RAD52: variants seen among roughly 807,000 people sequenced by gnomAD.
RAD52 encodes the protein DNA repair protein RAD52 homolog.
In RAD52, 47 loss-of-function variants were observed where a neutral mutation model predicts 55.5. That is an observed-to-expected ratio of 0.85 (90% confidence interval 0.67 to 1.08). The LOEUF is 1.08. Among genes scored for constraint, RAD52 ranks in the 50% least tolerant of loss-of-function variants. The probability of loss-of-function intolerance (pLI) is 0.00; values close to 1 mark genes in which losing one functional copy is unlikely to be tolerated. For missense variants in RAD52, 468 were observed against 522.8 expected, an observed-to-expected ratio of 0.90 and a Z score of 1.02; for synonymous variants, 184 against 198.9, an observed-to-expected ratio of 0.92 and a Z score of 0.63.
chr12:969,339 G>A (rs1592483627), intron 1 of RAD52, among the ~76,000 whole-genome samples: 1 of 151,968 alleles, frequency 6.6e-6, no homozygotes, highest in South Asian at 2.1e-4. Context: ...CATACCAAAA[G>A]TATAATAGTC....
intron 1 of RAD52, among the ~76,000 whole-genome samples, chr12:982,679 C>CG (rs1398356575): frequency 8.8e-5 from 2 of 22,620 alleles, no homozygotes; most frequent in African/African-American, 2.5e-4. Context: ...TTTTTTTTGG[C>CG]GGGGGGGACA....
rs867419325 is a variant in RAD52 at position 917,775 on chromosome 12, A to C, written c.544-955T>G. 1.9e-3 allele frequency among the ~76,000 whole-genome samples: 280 copies of C among 150,680 alleles called. 1 individual carries two copies. The highest frequency in any genetic ancestry group is 6.8e-3 in the South Asian group (32 of 4,736). On this transcript the variant is annotated intron_variant, in intron 7 of 11. Coordinates refer to ENST00000358495, the MANE Select transcript of RAD52 (RefSeq NM_134424.4). Reference sequence around the variant, plus strand: ...GCCTGTCTCTACTAAAAATACAAAAAAAAAAAAAAAAAAATTAGCTGGGCA... The same window carrying C: ...GCCTGTCTCTACTAAAAATACAAAACAAAAAAAAAAAAAATTAGCTGGGCA...
chr12:913,516 A>G (rs1956203934), intron 11 of RAD52, 64 bp from the exon 12 acceptor site: 4 of 1,159,814 alleles, frequency 3.4e-6, no homozygotes, highest in Non-Finnish European at 5.1e-6. Flanking sequence ...ACAGCTAATG[A>G]TTTCTGGATT....
chr12:979,863 C>A (rs572073752), intron 1 of RAD52, among the ~76,000 whole-genome samples: 1 of 151,994 alleles, frequency 6.6e-6, no homozygotes, highest in Admixed American at 6.6e-5. Flanking sequence ...CTGGCTAACA[C>A]GGTGAAACCC....
At chr12:970,520 A>G (rs1181131010) in intron 1 of RAD52, among the ~76,000 whole-genome samples, 2 of 152,194 alleles carry the variant, frequency 1.3e-5, no homozygotes, top group Non-Finnish European at 2.9e-5. Context: ...TATTTTTACC[A>G]AAAGACTTCC....
chr12:939,169 A>AT (rs942133213), intron 1 of RAD52, among the ~76,000 whole-genome samples: 2 of 149,286 alleles, frequency 1.3e-5, no homozygotes, highest in African/African-American at 2.5e-5. Context: ...TTAATTGTAA[A>AT]TTTTTTTTTT....
rs1000918529 is a variant in RAD52 at position 972,622 on chromosome 12, C to A, written c.-19+17187G>T. 3.3e-5 allele frequency among the ~76,000 whole-genome samples: 5 copies of A among 152,066 alleles called. No homozygotes were observed. The South Asian group carries it at 6.2e-4, about 19-fold the overall frequency. On this transcript the variant is annotated intron_variant, in intron 1 of 11. Transcript: ENST00000430095. The stretch of plus-strand genomic sequence containing the variant: ...TCTACTAAATATACAAAAAATTAGC[C>A]GGGCGTGGTGGCGGACGCCTGTAGT...
At chr12:948,706 CT>C (rs1338537198) in intron 1 of RAD52, among the ~76,000 whole-genome samples, 279 of 145,442 alleles carry the variant, frequency 1.9e-3, no homozygotes, top group East Asian at 0.016. Context: ...TGAATTATAA[CT>C]TTTTTTTTTT....
intron 1 of RAD52, chr12:975,595 T>G (rs557830098): frequency 6.6e-6 from 1 of 152,194 alleles, no homozygotes; most frequent in Admixed American, 6.5e-5. Context: ...CCAGTGGAAT[T>G]TGGGCATAAG....
intron 1 of RAD52, among the ~76,000 whole-genome samples, chr12:954,909 G>C (rs1274545945): frequency 6.6e-6 from 1 of 152,136 alleles, no homozygotes; most frequent in Non-Finnish European, 1.5e-5. Context: ...GACCAGTGAG[G>C]AAAGGGGATT....
intron 3 of RAD52, 123 bp from the exon 4 acceptor site, chr12:930,267 T>C (rs996097129): frequency 2.5e-6 from 2 of 807,870 alleles, no homozygotes; most frequent in African/African-American, 3.5e-5. Context: ...TTAAACATTC[T>C]TCTCGGGAGG....
intron 9 of RAD52, 52 bp downstream of exon 9, chr12:916,292 A>G (rs2154108469): frequency 6.3e-7 from 1 of 1,589,892 alleles, no homozygotes; most frequent in African/African-American, 1.3e-5. Context: ...CCCTGCGGCT[A>G]CACTTCCTCC....
At chr12:930,007 A>T (rs747244375) in intron 4 of RAD52, 44 bp downstream of exon 4, 1 of 1,590,416 alleles carries the variant, frequency 6.3e-7, no homozygotes, top group Non-Finnish European at 8.6e-7. Context: ...TTTCAGCAGG[A>T]GCTGGACAGT....
At chr12:968,673 T>TA in intron 1 of RAD52, among the ~76,000 whole-genome samples, 1 of 152,206 alleles carries the variant, frequency 6.6e-6, no homozygotes. Flanking sequence ...GGTACGTCCC[T>TA]AGGAGCTTTG....
intron 1 of RAD52, among the ~76,000 whole-genome samples, chr12:966,117 C>T (rs1352132118): frequency 1.3e-5 from 2 of 152,018 alleles, no homozygotes; most frequent in African/African-American, 4.8e-5. Context: ...GCATGTGCCA[C>T]CACAACTGGT....
chr12:944,620 A>AAC (rs10651999), intron 1 of RAD52, among the ~76,000 whole-genome samples: 18,449 of 150,640 alleles, frequency 0.12, 1,481 homozygotes, highest in East Asian at 0.36. Flanking sequence ...AAAAAAAAAA[A>AAC]AAAAAAAACT....
chr12:913,069 A>ATTATATT lies in RAD52; in HGVS notation c.*321_*322insAATATAA. 1 of 92,556 alleles carries ATTATATT rather than the reference A, an allele frequency of 1.1e-5. No individual in the cohort carries two copies. Among genetic ancestry groups the ATTATATT allele is most frequent in the African/African-American group, 5.1e-5 (1 of 19,704 alleles). The allele number at this position is 92,556 out of a possible 1,614,324, so 5.7% of individuals were successfully genotyped here. On this transcript the variant is annotated 3_prime_UTR_variant, in exon 12 of 12. Coordinates refer to ENST00000358495, the MANE Select transcript of RAD52 (RefSeq NM_134424.4). ...GTCTGGCCTATATTGCTTGAGGGCAAGGAGCCATTGGTGATTCCTAAAATG... is the reference window on the plus strand; with the variant it reads ...GTCTGGCCTATATTGCTTGAGGGCAATTATATTGGAGCCATTGGTGATTCCTAAAATG...
chr12:960,621 C>G (rs1056689545), intron 1 of RAD52, among the ~76,000 whole-genome samples: 1 of 152,160 alleles, frequency 6.6e-6, no homozygotes, highest in African/African-American at 2.4e-5. Context: ...TGCCACCACA[C>G]CCTATTTTTG....
intron 1 of RAD52, among the ~76,000 whole-genome samples, chr12:972,628 T>A (rs1343400819): frequency 6.6e-6 from 1 of 150,918 alleles, no homozygotes; most frequent in East Asian, 1.9e-4. Context: ...TAGCCGGGCG[T>A]GGTGGCGGAC....
Sources: gnomAD v4.1 joint callset for allele counts (sites outside exome capture counted in the v4.1 genomes callset) on GRCh38, gnomAD v4.1.1 for gene constraint, MANE v1.5 for transcripts, NCBI Gene and HGNC (gene_info 2026-07-23, HGNC 2026-07-21) for gene names.